ERBB4: variants seen among roughly 807,000 people sequenced by gnomAD.
The protein encoded by ERBB4 is receptor tyrosine-protein kinase erbB-4.
In ERBB4, 42 loss-of-function variants were observed where a neutral mutation model predicts 158.0. The ratio of observed to expected loss-of-function variants is 0.27; its 90% CI spans 0.21 to 0.34. The LOEUF is 0.34. Ranked by LOEUF, ERBB4 falls within the 10% of genes least tolerant of loss-of-function variation. ERBB4 has a pLI of 1.00. For missense variants in ERBB4, 1,333 were observed against 1,624.1 expected, an observed-to-expected ratio of 0.82 and a Z score of 3.08; for synonymous variants, 583 against 558.7, an observed-to-expected ratio of 1.04 and a Z score of -0.61.
At chr2:212,441,933 G>A (rs960290949) in intron 1 of ERBB4, among the ~76,000 whole-genome samples, 19 of 152,162 alleles carry the variant, frequency 1.2e-4, no homozygotes, top group Non-Finnish European at 2.6e-4. Flanking sequence ...CATCGGTGAG[G>A]GCAGCACCTG....
chr2:212,138,435 G>C (rs1335398163), intron 1 of ERBB4, among the ~76,000 whole-genome samples: 1 of 152,088 alleles, frequency 6.6e-6, no homozygotes, highest in African/African-American at 2.4e-5. Context: ...GCAGTATCAA[G>C]AGTCTGTTAA....
At chr2:212,003,190 A>AG (rs1559293301) in intron 2 of ERBB4, among the ~76,000 whole-genome samples, 8 of 77,114 alleles carry the variant, frequency 1.0e-4, no homozygotes, top group African/African-American at 2.7e-4. Flanking sequence ...AGAAAGAAAG[A>AG]AAGAAAGAAA....
intron 1 of ERBB4, among the ~76,000 whole-genome samples, chr2:212,162,610 G>A (rs1211536423): frequency 6.6e-6 from 1 of 151,824 alleles, no homozygotes; most frequent in African/African-American, 2.4e-5. Context: ...ACTTTATTTA[G>A]TAGTATGCAA....
chr2:212,506,673 G>A (rs1027653577), intron 1 of ERBB4, among the ~76,000 whole-genome samples: 16 of 152,112 alleles, frequency 1.1e-4, no homozygotes, highest in East Asian at 7.7e-4. Context: ...TCAATTCCAC[G>A]AAGGCTGAGA....
chr2:212,101,404 CA>C (rs1345808928), intron 2 of ERBB4, among the ~76,000 whole-genome samples: 1 of 140,982 alleles, frequency 7.1e-6, no homozygotes, highest in Non-Finnish European at 1.6e-5. Flanking sequence ...ATAGAAAAGA[CA>C]AAATTTTCTT....
At chr2:212,047,155 A>G (rs2077279876) in intron 2 of ERBB4, among the ~76,000 whole-genome samples, 1 of 152,202 alleles carries the variant, frequency 6.6e-6, no homozygotes, top group South Asian at 2.1e-4. Flanking sequence ...AAGTAAAAAA[A>G]AACTTTTAAG....
At chr2:211,849,199 C>T (rs565380209) in intron 3 of ERBB4, among the ~76,000 whole-genome samples, 27 of 151,900 alleles carry the variant, frequency 1.8e-4, no homozygotes, top group African/African-American at 6.5e-4. Flanking sequence ...GATAGTTCTG[C>T]TTTATAAATA....
chr2:211,477,909 G>A (rs1463467311), intron 20 of ERBB4, among the ~76,000 whole-genome samples: 1 of 152,148 alleles, frequency 6.6e-6, no homozygotes, highest in African/African-American at 2.4e-5. Context: ...TGGTTGTTGT[G>A]TAATACATTT....
At position 212,287,521 on chromosome 2, in the gene ERBB4, C is replaced by T. The variant is rs571219374; in HGVS notation, c.83-162618G>A. Among the ~76,000 whole-genome samples the T allele has an allele frequency of 7.9e-5, 12 of 152,088 alleles. No homozygotes were observed. In the South Asian group the frequency reaches 2.3e-3, roughly 29 times the overall value. On this transcript the variant is annotated intron_variant, in intron 1 of 27. Coordinates refer to ENST00000342788, the MANE Select transcript of ERBB4 (RefSeq NM_005235.3). ...CTCCAAAAGATTCTTGTGAACTGAT[C>T]CCTCTGCCTACTCCAAACAGGGGGT... is the stretch of plus-strand genomic sequence containing the variant.
intron 2 of ERBB4, among the ~76,000 whole-genome samples, chr2:212,059,476 C>T (rs929128129): frequency 2.0e-5 from 3 of 152,146 alleles, no homozygotes; most frequent in Non-Finnish European, 4.4e-5. Flanking sequence ...AAAGAGCCCA[C>T]ATTGCCAAGA....
chr2:211,526,429 G>C (rs1366789452), intron 20 of ERBB4, among the ~76,000 whole-genome samples: 2 of 152,104 alleles, frequency 1.3e-5, no homozygotes, highest in Non-Finnish European at 2.9e-5. Flanking sequence ...ACTGCCCTTG[G>C]AGATCCTCCT....
chr2:212,501,536 T>G (rs187438152), intron 1 of ERBB4, among the ~76,000 whole-genome samples: 12 of 152,332 alleles, frequency 7.9e-5, no homozygotes, highest in Non-Finnish European at 1.5e-4. Context: ...ACAGACTTCG[T>G]TGACCAGCCA....
chr2:212,038,168 A>T (rs934440978), intron 2 of ERBB4, among the ~76,000 whole-genome samples: 2 of 152,120 alleles, frequency 1.3e-5, no homozygotes, highest in Non-Finnish European at 2.9e-5. Context: ...AGGTAGCTTT[A>T]AAAATGTGGA....
chr2:212,093,477 A>G (rs904129952), intron 2 of ERBB4, among the ~76,000 whole-genome samples: 9 of 152,212 alleles, frequency 5.9e-5, no homozygotes, highest in African/African-American at 2.2e-4. Context: ...TCTGACATCT[A>G]TAACTCAATG....
chr2:211,725,089 T>G lies in ERBB4; in HGVS notation c.728A>C (p.Asp243Ala). 6.2e-7 allele frequency: 1 copy of G among 1,610,348 alleles called. No individual in the cohort carries two copies. The highest frequency in any genetic ancestry group is 1.1e-5 in the South Asian group (1 of 90,976). The change falls in exon 6 of 28, where the codon GAC (aspartate) becomes GCC (alanine). Residue 243 changes from aspartate (D) to alanine (A), a missense_variant. Asp to Ala is a moderately radical substitution (Grantham distance 126). This residue lies in a region of ERBB4 where 438 missense variants were observed against 586.9 expected (regional missense o/e 0.75). Coordinates refer to ENST00000342788, the MANE Select transcript of ERBB4 (RefSeq NM_005235.3). ...TCACAGACATACAAAGCAGTCTGTGTCCTTAGGTCCTGAGCAGCCTCCAGC... is the reference window on the plus strand; with the variant it reads ...TCACAGACATACAAAGCAGTCTGTGGCCTTAGGTCCTGAGCAGCCTCCAGC... ...ECAGGCSGPKDTDCFACMNFN... is the reference protein window; with the variant it reads ...ECAGGCSGPKATDCFACMNFN...
intron 3 of ERBB4, among the ~76,000 whole-genome samples, chr2:211,912,386 A>G (rs550801103): frequency 1.3e-5 from 2 of 152,100 alleles, no homozygotes; most frequent in East Asian, 3.9e-4. Context: ...AAATGTTCTC[A>G]TCAAAAAATT....
chr2:211,712,294 C>G (rs2073730498), intron 8 of ERBB4, 118 bp from the exon 9 acceptor site: 1 of 1,037,588 alleles, frequency 9.6e-7, no homozygotes, highest in East Asian at 2.6e-5. Context: ...AAATATATTA[C>G]AAATTTTGTT....
At chr2:212,345,012 A>G (rs1044863928) in intron 1 of ERBB4, among the ~76,000 whole-genome samples, 3 of 152,098 alleles carry the variant, frequency 2.0e-5, no homozygotes, top group African/African-American at 4.8e-5. Context: ...CTGTAATCCC[A>G]GCACTTTGGG....
chr2:212,257,037 C>T (rs537466101), intron 1 of ERBB4, among the ~76,000 whole-genome samples: 1 of 151,986 alleles, frequency 6.6e-6, no homozygotes, highest in Non-Finnish European at 1.5e-5. Context: ...AGCATAGTAC[C>T]CAATAGGTAG....
Sources: allele counts gnomAD v4.1 joint callset (sites outside exome capture counted in the v4.1 genomes callset), GRCh38; gene constraint gnomAD v4.1.1; regional missense constraint gnomAD v4.1.1; transcripts MANE v1.5; gene names NCBI Gene and HGNC (gene_info 2026-07-23, HGNC 2026-07-21).